FBXO34: variants seen among roughly 807,000 people sequenced by gnomAD.
The protein encoded by FBXO34 is F-box only protein 34.
FBXO34 carries 12 observed loss-of-function variants against 24.5 expected under a neutral mutation model. The ratio of observed to expected loss-of-function variants is 0.49; its 90% CI spans 0.31 to 0.79. The LOEUF is 0.79. FBXO34 is among the 30% of genes least tolerant of loss of function. The pLI is 0.04. For synonymous variants in FBXO34, 320 were observed against 311.9 expected (o/e 1.03, Z -0.27); for missense variants, 823 against 857.7 (o/e 0.96, Z 0.51).
chr14:55,376,559 G>C, the FBXO34 span, among the ~76,000 whole-genome samples: 41 of 152,290 alleles, frequency 2.7e-4, 1 homozygote, highest in African/African-American at 7.9e-4. Flanking sequence ...TTAACTATCT[G>C]AGGTGGGGAG....
intron 1 of FBXO34, among the ~76,000 whole-genome samples, chr14:55,328,133 AT>A (rs922892325): frequency 5.3e-5 from 8 of 150,950 alleles, no homozygotes; most frequent in African/African-American, 1.9e-4. Flanking sequence ...ATTTTTTTGT[AT>A]TTTTAGTAGA....
At chr14:55,320,107 T>C (rs931133278) in intron 1 of FBXO34, among the ~76,000 whole-genome samples, 1 of 152,208 alleles carries the variant, frequency 6.6e-6, no homozygotes, top group African/African-American at 2.4e-5. Context: ...ATCCAGGTCC[T>C]TTAACTGCCA....
At chr14:55,391,529 G>T in the FBXO34 span, among the ~76,000 whole-genome samples, 30 of 150,190 alleles carry the variant, frequency 2.0e-4, no homozygotes, top group Admixed American at 1.3e-3. Flanking sequence ...ACATAGTTTT[G>T]TATGTATCAG....
chr14:55,347,512 A>G (rs1884197813), intron 1 of FBXO34, among the ~76,000 whole-genome samples: 2 of 152,166 alleles, frequency 1.3e-5, no homozygotes, highest in African/African-American at 2.4e-5. Context: ...ACCTTCAACC[A>G]GTGAGGGATT....
chr14:55,298,598 G>A (rs1210265264), intron 1 of FBXO34: 2 of 964,190 alleles, frequency 2.1e-6, no homozygotes, highest in Non-Finnish European at 3.1e-6. Context: ...GAGGGCGGGC[G>A]CCGGAGCCCA....
At chr14:55,381,910 T>C in the FBXO34 span, 1 of 1,496,222 alleles carries the variant, frequency 6.7e-7, no homozygotes, top group Non-Finnish European at 9.3e-7. Flanking sequence ...TATGTCAATT[T>C]TACCTATAAC....
chr14:55,299,068 G>A, intron 1 of FBXO34: 1 of 1,546,644 alleles, frequency 6.5e-7, no homozygotes, highest in Non-Finnish European at 8.9e-7. Context: ...AAACCTGTAG[G>A]GTTTGGAGAA....
At chr14:55,374,699 G>T (rs1884886349), downstream of FBXO34, among the ~76,000 whole-genome samples, 1 of 151,796 alleles carries the variant, frequency 6.6e-6, no homozygotes, top group South Asian at 2.1e-4. Context: ...TTTTATTTTT[G>T]TATATAGAAT....
chr14:55,390,185 C>A, the FBXO34 span, among the ~76,000 whole-genome samples: 4 of 152,116 alleles, frequency 2.6e-5, no homozygotes, highest in Non-Finnish European at 5.9e-5. Context: ...AGTCTCCTGC[C>A]TCAGCCTCCT....
chr14:55,425,961 C>G, the FBXO34 span, among the ~76,000 whole-genome samples: 3 of 152,118 alleles, frequency 2.0e-5, no homozygotes, highest in Admixed American at 6.6e-5. Flanking sequence ...TATCAGGATA[C>G]CTTTGAATTA....
chr14:55,434,562 C>A, the FBXO34 span, among the ~76,000 whole-genome samples: 1 of 152,150 alleles, frequency 6.6e-6, no homozygotes, highest in African/African-American at 2.4e-5. Context: ...ACCCCTACCC[C>A]TCGTCCAAAA....
the FBXO34 span, chr14:55,414,476 A>C: frequency 6.5e-7 from 1 of 1,544,150 alleles, no homozygotes. Flanking sequence ...ATCCAGGTTT[A>C]TATAATTTTT....
chr14:55,288,653 T>C (rs966320753), intron 1 of FBXO34, among the ~76,000 whole-genome samples: 4 of 152,232 alleles, frequency 2.6e-5, no homozygotes, highest in Non-Finnish European at 5.9e-5. Flanking sequence ...AAAGAACCTT[T>C]TGTAATGATT....
At chr14:55,298,450 A>G (rs1392269611) in intron 1 of FBXO34, among the ~76,000 whole-genome samples, 2 of 151,970 alleles carry the variant, frequency 1.3e-5, no homozygotes, top group African/African-American at 4.8e-5. Context: ...TGTTATTACT[A>G]CTTTTTAAAA....
chr14:55,296,391 G>GTTTTGTTTTTT (rs1338074763), intron 1 of FBXO34, among the ~76,000 whole-genome samples: 2 of 64,762 alleles, frequency 3.1e-5, no homozygotes, highest in Admixed American at 1.9e-4. Context: ...TGTTTTTTTT[G>GTTTTGTTTTTT]TTTTTTTTTT....
At chr14:55,307,086 A>G (rs566759159) in intron 1 of FBXO34, among the ~76,000 whole-genome samples, 1 of 152,300 alleles carries the variant, frequency 6.6e-6, no homozygotes, top group Admixed American at 6.5e-5. Context: ...CTGAATTGCT[A>G]TGTATATGTG....
chr14:55,410,102 G>T, the FBXO34 span, among the ~76,000 whole-genome samples: 4 of 152,166 alleles, frequency 2.6e-5, no homozygotes, highest in Admixed American at 2.6e-4. Flanking sequence ...TGAACCAAAG[G>T]AACAATGAGA....
chr14:55,430,003 C>G, the FBXO34 span, among the ~76,000 whole-genome samples: 1,212 of 152,158 alleles, frequency 8.0e-3, 21 homozygotes, highest in African/African-American at 0.028. Context: ...AAACTCAACA[C>G]AAGAAGGACA....
chr14:55,275,823 CA>C (rs57849080), intron 1 of FBXO34, among the ~76,000 whole-genome samples: 14,713 of 89,960 alleles, frequency 0.16, 2,183 homozygotes, highest in African/African-American at 0.46. Context: ...GACTCTGTCT[CA>C]AAAAAAAAAA....
Sources: gnomAD v4.1 joint callset for allele counts (sites outside exome capture counted in the v4.1 genomes callset) on GRCh38, gnomAD v4.1.1 for gene constraint, MANE v1.5 for transcripts, NCBI Gene and HGNC (gene_info 2026-07-23, HGNC 2026-07-21) for gene names.